PDE10A: variants seen among roughly 807,000 people sequenced by gnomAD.
PDE10A encodes the protein cAMP and cAMP-inhibited cGMP 3',5'-cyclic phosphodiesterase 10A.
PDE10A carries 39 observed loss-of-function variants against 97.7 expected under a neutral mutation model. That is an observed-to-expected ratio of 0.40 (90% CI 0.31 to 0.52). The LOEUF (loss-of-function observed/expected upper bound fraction) is 0.52, where lower values mean the gene tolerates loss of function less well. Ranked by LOEUF, PDE10A falls within the 20% of genes least tolerant of loss-of-function variation. The pLI, the probability that PDE10A is intolerant of heterozygous loss-of-function variation, is 0.56. For missense variants in PDE10A, 731 were observed against 1,047.8 expected, an observed-to-expected ratio of 0.70 and a Z score of 4.17; for synonymous variants, 371 against 376.8, an observed-to-expected ratio of 0.98 and a Z score of 0.18.
chr6:165,437,426 A>G (rs1423410016), intron 5 of PDE10A, among the ~76,000 whole-genome samples: 1 of 152,234 alleles, frequency 6.6e-6, no homozygotes. Context: ...CAAGTAACAG[A>G]TAAGCAAATA....
intron 1 of PDE10A, among the ~76,000 whole-genome samples, chr6:165,735,263 GTAGA>G (rs1300958010): frequency 6.6e-6 from 1 of 151,606 alleles, no homozygotes; most frequent in Non-Finnish European, 1.5e-5. Context: ...AGGAAGATAG[GTAGA>G]TAGTAGGTCA....
At chr6:165,557,375 G>T (rs1052005889) in intron 1 of PDE10A, among the ~76,000 whole-genome samples, 4 of 152,058 alleles carry the variant, frequency 2.6e-5, no homozygotes, top group African/African-American at 9.7e-5. Flanking sequence ...GGGATTTAAA[G>T]AAAGCAAGAA....
chr6:165,909,392 C>T (rs1030880040), intron 1 of PDE10A, among the ~76,000 whole-genome samples: 2 of 152,222 alleles, frequency 1.3e-5, no homozygotes, highest in African/African-American at 4.8e-5. Flanking sequence ...TTTTATATTG[C>T]TCGCTGTGTT....
chr6:165,769,472 G>A (rs1482088486), intron 1 of PDE10A, among the ~76,000 whole-genome samples: 2 of 152,148 alleles, frequency 1.3e-5, no homozygotes, highest in Non-Finnish European at 2.9e-5. Context: ...ATTTGTATTG[G>A]TGAATTTAAA....
intron 1 of PDE10A, among the ~76,000 whole-genome samples, chr6:165,941,422 A>G (rs1372464051): frequency 6.6e-6 from 1 of 152,120 alleles, no homozygotes; most frequent in Non-Finnish European, 1.5e-5. Context: ...AGTCATTTGA[A>G]AACACTCCTT....
chr6:165,428,869 G>A (rs528630972), intron 9 of PDE10A, among the ~76,000 whole-genome samples, 160 bp from the exon 10 acceptor site: 9 of 151,914 alleles, frequency 5.9e-5, no homozygotes, highest in Non-Finnish European at 1.2e-4. Context: ...AATCAGTACT[G>A]TAATATTATT....
rs564840358 is a variant in PDE10A at position 165,403,182 on chromosome 6, C to T, written c.2077-6723G>A. 7.9e-5 allele frequency among the ~76,000 whole-genome samples: 12 copies of T among 152,258 alleles called. No individual in the cohort carries two copies. In the East Asian group the frequency reaches 1.9e-3, roughly 25 times the overall value. On this transcript the variant is annotated intron_variant, in intron 13 of 21. Coordinates refer to ENST00000539869, the MANE Select transcript of PDE10A (RefSeq NM_001385079.1). ...TGGCCAGTGACTGTGAAGCTCTCAG[C>T]GCTATCAGCAACCGTTATCTTAGAT...
chr6:165,966,798 T>C, intron 1 of PDE10A, among the ~76,000 whole-genome samples: 1 of 152,326 alleles, frequency 6.6e-6, no homozygotes, highest in Non-Finnish European at 1.5e-5. Flanking sequence ...TTGTGGTTAT[T>C]CATGTGTTTA....
chr6:165,419,181 T>C (rs1003087989), intron 10 of PDE10A, among the ~76,000 whole-genome samples: 3 of 152,220 alleles, frequency 2.0e-5, no homozygotes, highest in African/African-American at 7.2e-5. Flanking sequence ...TCTGAGCCTC[T>C]GTCAGCACTA....
At chr6:165,919,345 G>A (rs1199191786) in intron 1 of PDE10A, among the ~76,000 whole-genome samples, 2 of 152,200 alleles carry the variant, frequency 1.3e-5, no homozygotes, top group Non-Finnish European at 2.9e-5. Context: ...CATGCCATGA[G>A]CATATGTACT....
intron 18 of PDE10A, among the ~76,000 whole-genome samples, chr6:165,359,874 C>A (rs1025832587): frequency 1.3e-5 from 2 of 152,102 alleles, no homozygotes; most frequent in African/African-American, 4.8e-5. Flanking sequence ...GCTGTGCACA[C>A]AGACAGGGCA....
intron 1 of PDE10A, among the ~76,000 whole-genome samples, chr6:165,720,154 G>A (rs1792129550): frequency 6.6e-6 from 1 of 152,228 alleles, no homozygotes; most frequent in Non-Finnish European, 1.5e-5. Context: ...AGGCTTGGAA[G>A]TGGCTGTTCC....
chr6:165,805,924 G>A (rs951683795), intron 1 of PDE10A, among the ~76,000 whole-genome samples: 2 of 151,710 alleles, frequency 1.3e-5, no homozygotes, highest in Non-Finnish European at 2.9e-5. Context: ...AACCTGTAAG[G>A]AAGAATCCTC....
intron 1 of PDE10A, among the ~76,000 whole-genome samples, chr6:165,684,045 G>T (rs1036613670): frequency 1.3e-5 from 2 of 152,042 alleles, no homozygotes; most frequent in Non-Finnish European, 2.9e-5. Flanking sequence ...TCCTCCTTCA[G>T]ATTTTTCTCA....
At chr6:165,669,202 C>T (rs1025753059) in intron 1 of PDE10A, among the ~76,000 whole-genome samples, 25 of 152,158 alleles carry the variant, frequency 1.6e-4, no homozygotes, top group African/African-American at 5.8e-4. Context: ...AAAAGATGAG[C>T]GACCTTGTTT....
chr6:165,842,095 A>G (rs1213906581), intron 1 of PDE10A, among the ~76,000 whole-genome samples: 1 of 152,270 alleles, frequency 6.6e-6, no homozygotes, highest in Non-Finnish European at 1.5e-5. Context: ...TAATATAACC[A>G]TGGTTCTTCC....
At chr6:165,626,450 C>A (rs1788390695) in intron 1 of PDE10A, among the ~76,000 whole-genome samples, 1 of 152,080 alleles carries the variant, frequency 6.6e-6, no homozygotes, top group African/African-American at 2.4e-5. Flanking sequence ...AGAAAATTTT[C>A]TGAGTTAATA....
chr6:165,439,958 T>C (rs1210121687), intron 5 of PDE10A, among the ~76,000 whole-genome samples: 4 of 152,214 alleles, frequency 2.6e-5, no homozygotes, highest in African/African-American at 9.6e-5. Context: ...CATCTTTCTT[T>C]CCATGCACAA....
In PDE10A at chr6:165,662,846, G is replaced by A. The variant is rs1790359758; in HGVS notation, c.-35C>T. On this transcript the variant is annotated 5_prime_UTR_variant, in exon 1 of 22. Coordinates refer to ENST00000539869, the MANE Select transcript of PDE10A (RefSeq NM_001385079.1). The stretch of plus-strand genomic sequence containing the variant: ...CCGGGCCGCGGAGGGGCAGGCCGCG[G>A]GCGGGAGGGGCGCGGCGGGCCGGGG... Among the ~76,000 whole-genome samples, 2 of 150,766 alleles carry A rather than the reference G, an allele frequency of 1.3e-5. No individual in the cohort carries two copies. Among genetic ancestry groups the A allele is most frequent in the Admixed American group, 6.6e-5 (1 of 15,190 alleles).
Sources: allele counts gnomAD v4.1 joint callset (sites outside exome capture counted in the v4.1 genomes callset), GRCh38; gene constraint gnomAD v4.1.1; transcripts MANE v1.5; gene names NCBI Gene and HGNC (gene_info 2026-07-23, HGNC 2026-07-21).